The following EML5 variants were observed in gnomAD, a reference collection of about 807,000 sequenced individuals.
EML5 encodes EMAP like 5, also known as echinoderm microtubule-associated protein-like 5.
EML5 carries 120 observed loss-of-function variants against 250.0 expected under a neutral mutation model. The observed-to-expected ratio is 0.48, with a 90% CI of 0.41 to 0.56. EML5 has a LOEUF of 0.56. Among genes scored for constraint, EML5 ranks in the 20% least tolerant of loss-of-function variants. The pLI, the probability that EML5 is intolerant of heterozygous loss-of-function variation, is 0.00. For synonymous variants in EML5, 771 were observed against 806.5 expected, an observed-to-expected ratio of 0.96 and a Z score of 0.75; for missense variants, 2,006 against 2,437.6, an observed-to-expected ratio of 0.82 and a Z score of 3.73.
chr14:88,688,280 T>C lies in EML5; in HGVS notation c.2733A>G (p.Ala911=), dbSNP rs17124812. The change falls in exon 18 of 44, where the codon GCA becomes GCG. Residue 911 remains alanine, a synonymous_variant. Coordinates refer to ENST00000554922, the MANE Select transcript of EML5 (RefSeq NM_183387.3). The part of the protein sequence containing the change: ...AHDGPVFSMH[A]LEKGFVTGGK... ...TCTTTAGGTTACTTACTTTTTCCAA[T>C]GCATGCATACTGAACACTGGCCCAT... The C allele has an allele frequency of 0.025, 39,611 of 1,613,828 alleles. 2,771 individuals are homozygous for C. The highest frequency in any genetic ancestry group is 0.17 in the South Asian group (15,370 of 91,056).
intron 4 of EML5, 69 bp from the exon 5 acceptor site, chr14:88,740,641 C>T: frequency 7.3e-6 from 10 of 1,361,312 alleles, no homozygotes; most frequent in Non-Finnish European, 1.0e-5. Context: ...ATTCCCAATA[C>T]TTTGATGCTA....
chr14:88,647,155 G>A (rs1246937557), intron 28 of EML5, among the ~76,000 whole-genome samples, 200 bp from the exon 29 acceptor site: 4 of 152,118 alleles, frequency 2.6e-5, no homozygotes, highest in African/African-American at 9.7e-5. Flanking sequence ...GAGGTCAGGA[G>A]TTCGAGACCA....
intron 25 of EML5, 124 bp downstream of exon 25, chr14:88,661,530 C>T (rs1423014075): frequency 2.3e-6 from 2 of 860,460 alleles, no homozygotes; most frequent in Non-Finnish European, 3.4e-6. Flanking sequence ...AATTCTGAAC[C>T]TTTCATATTA....
chr14:88,629,509 G>A (rs370177928), intron 33 of EML5, among the ~76,000 whole-genome samples: 86 of 152,158 alleles, frequency 5.7e-4, no homozygotes, highest in African/African-American at 1.9e-3. Context: ...AGGACCTCTC[G>A]AAGTTACTAA....
intron 20 of EML5, 24 bp from the exon 21 acceptor site, chr14:88,682,055 T>C (rs752435795): frequency 3.8e-6 from 6 of 1,571,706 alleles, no homozygotes; most frequent in Non-Finnish European, 5.2e-6. Context: ...ATAGGATCAA[T>C]TTAGTGTATG....
chr14:88,686,577 C>T (rs746535433), intron 19 of EML5, among the ~76,000 whole-genome samples: 4 of 150,982 alleles, frequency 2.6e-5, no homozygotes, highest in South Asian at 2.1e-4. Flanking sequence ...TTCAGTGCTT[C>T]GGGAGGCCAA....
intron 20 of EML5, among the ~76,000 whole-genome samples, chr14:88,683,825 T>C (rs912061113): frequency 3.9e-5 from 6 of 152,170 alleles, no homozygotes; most frequent in African/African-American, 1.4e-4. Context: ...GTAAGGAGCA[T>C]CTACGAAAAA....
chr14:88,693,728 C>A (rs1054711762), intron 17 of EML5, among the ~76,000 whole-genome samples: 2 of 140,430 alleles, frequency 1.4e-5, no homozygotes, highest in Non-Finnish European at 3.1e-5. Flanking sequence ...GAGTATTATT[C>A]TCTTATACAC....
chr14:88,668,382 G>A (rs1402838308), intron 21 of EML5, among the ~76,000 whole-genome samples: 1 of 151,934 alleles, frequency 6.6e-6, no homozygotes, highest in Non-Finnish European at 1.5e-5. Context: ...GTGAAGTAGA[G>A]AGAAGAAACA....
At chr14:88,714,313 G>A (rs2093456519) in intron 9 of EML5, among the ~76,000 whole-genome samples, 1 of 152,176 alleles carries the variant, frequency 6.6e-6, no homozygotes, top group African/African-American at 2.4e-5. Flanking sequence ...ATCTGTTTTA[G>A]ATCCTCCAGC....
Position 88,715,091 on chromosome 14 carries a change from G to C in EML5, c.1292C>G (p.Ser431Trp). 1 of 1,613,572 alleles carries C rather than the reference G, an allele frequency of 6.2e-7. No individual in the cohort carries two copies. Among genetic ancestry groups the C allele is most frequent in the Non-Finnish European group, 8.5e-7 (1 of 1,179,750 alleles). Residue 431 changes from serine (S) to tryptophan (W), a missense_variant, in exon 9 of 44, where the codon TCG becomes TGG. Ser to Trp is a radical substitution (Grantham distance 177). Coordinates refer to ENST00000554922, the MANE Select transcript of EML5 (RefSeq NM_183387.3). ...CTGAGCAACTCCATAAATATCAACC[G>C]AGCTGTCATTGCATCCAACAGCAAG... ...TYLAVGCNDS[S>W]VDIYGVAQRY...
chr14:88,701,455 T>A (rs2093207192), intron 14 of EML5, among the ~76,000 whole-genome samples: 1 of 152,212 alleles, frequency 6.6e-6, no homozygotes, highest in Admixed American at 6.5e-5. Context: ...TATTTATCTT[T>A]ATATTCCTAG....
intron 6 of EML5, 88 bp from the exon 7 acceptor site, chr14:88,736,653 A>T (rs1409480878): frequency 1.4e-5 from 18 of 1,285,736 alleles, no homozygotes; most frequent in Non-Finnish European, 2.0e-5. Context: ...GATAGGGGCA[A>T]GTCCCGGTGA....
intron 17 of EML5, among the ~76,000 whole-genome samples, chr14:88,691,551 A>G (rs1243892657): frequency 6.6e-6 from 1 of 152,168 alleles, no homozygotes; most frequent in Non-Finnish European, 1.5e-5. Context: ...AAACTTTCAG[A>G]GGCTCCCCAT....
At chr14:88,725,685 A>G (rs2093656168) in intron 8 of EML5, among the ~76,000 whole-genome samples, 2 of 152,222 alleles carry the variant, frequency 1.3e-5, no homozygotes, top group Non-Finnish European at 2.9e-5. Flanking sequence ...AGGAATCACC[A>G]TCACTGTGGA....
At chr14:88,734,526 T>C (rs1158780226) in intron 7 of EML5, among the ~76,000 whole-genome samples, 1 of 151,992 alleles carries the variant, frequency 6.6e-6, no homozygotes, top group African/African-American at 2.4e-5. Context: ...TCTGTGGTCT[T>C]AAAATTTCAA....
At chr14:88,725,493 T>C (rs1236738840) in intron 8 of EML5, among the ~76,000 whole-genome samples, 2 of 152,118 alleles carry the variant, frequency 1.3e-5, no homozygotes, top group East Asian at 3.8e-4. Context: ...GAACATATAC[T>C]GTATGGCATG....
intron 7 of EML5, among the ~76,000 whole-genome samples, chr14:88,728,474 A>G (rs1001378085): frequency 6.6e-6 from 1 of 152,240 alleles, no homozygotes; most frequent in Non-Finnish European, 1.5e-5. Flanking sequence ...CATTATATGT[A>G]CTAATACTGT....
intron 1 of EML5, among the ~76,000 whole-genome samples, chr14:88,768,897 G>A (rs957767388): frequency 2.6e-5 from 4 of 152,028 alleles, no homozygotes; most frequent in African/African-American, 4.8e-5. Context: ...AATGTTTTAC[G>A]CTCTGTGGGC....
Sources: allele counts gnomAD v4.1 joint callset (sites outside exome capture counted in the v4.1 genomes callset), GRCh38; gene constraint gnomAD v4.1.1; transcripts MANE v1.5; gene names NCBI Gene and HGNC (gene_info 2026-07-23, HGNC 2026-07-21).